Variants in SUGT1 observed in about 807,000 individuals in gnomAD.
The protein encoded by SUGT1 is SGT1 assembly cochaperone of MIS12 kinetochore complex.
SUGT1 carries 15 observed loss-of-function variants against 56.1 expected under a neutral mutation model. The ratio of observed to expected loss-of-function variants is 0.27; its 90% confidence interval spans 0.18 to 0.41. The LOEUF (loss-of-function observed/expected upper bound fraction) is 0.41, where lower values mean the gene tolerates loss of function less well. SUGT1 is among the 10% of genes least tolerant of loss of function. The pLI, the probability that SUGT1 is intolerant of heterozygous loss-of-function variation, is 1.00. For synonymous variants in SUGT1, 123 were observed against 128.6 expected, an observed-to-expected ratio of 0.96 and a Z score of 0.30; for missense variants, 347 against 382.2, an observed-to-expected ratio of 0.91 and a Z score of 0.77.
chr13:52,680,503 C>T (rs1051528901), intron 12 of SUGT1, among the ~76,000 whole-genome samples: 7 of 152,060 alleles, frequency 4.6e-5, no homozygotes, highest in East Asian at 3.9e-4. Flanking sequence ...AATATAGATA[C>T]GAAACTTTTC....
intron 10 of SUGT1, among the ~76,000 whole-genome samples, chr13:52,670,891 T>A (rs1439399920): frequency 6.6e-6 from 1 of 152,134 alleles, no homozygotes. Flanking sequence ...TATTCTTAAG[T>A]CATAGTTAAG....
At position 52,693,943 on chromosome 13, in the gene SUGT1, A is replaced by T. The variant is rs1178491632; in HGVS notation, c.*6108A>T. On this transcript the variant is annotated 3_prime_UTR_variant, in exon 13 of 13. Transcript: ENST00000310528. ...AATGCTGTATGTACATTTTTTATACATGTATACTTATGATAAAGTTTATAA... is the reference window on the plus strand; with the variant it reads ...AATGCTGTATGTACATTTTTTATACTTGTATACTTATGATAAAGTTTATAA... The T allele has an allele frequency of 6.6e-6, 1 of 152,204 alleles. No homozygotes were observed. Among genetic ancestry groups the T allele is most frequent in the East Asian group, 1.9e-4 (1 of 5,200 alleles). The allele number at this position is 152,204 out of a possible 1,614,324, so 9.4% of individuals were successfully genotyped here. A position where few individuals can be genotyped will look rare whatever the true frequency, so the allele number is the denominator to read the frequency against.
chr13:52,655,337 C>A (rs1265845148), intron 2 of SUGT1, among the ~76,000 whole-genome samples: 1 of 152,122 alleles, frequency 6.6e-6, no homozygotes, highest in African/African-American at 2.4e-5. Flanking sequence ...TGAGGCCAGG[C>A]CATCAAAGGC....
chr13:52,686,663 G>GTA (rs1963600448), intron 12 of SUGT1, among the ~76,000 whole-genome samples: 1 of 152,210 alleles, frequency 6.6e-6, no homozygotes, highest in South Asian at 2.1e-4. Flanking sequence ...ATATGTAACT[G>GTA]TATACATTGG....
At position 52,693,338 on chromosome 13, in the gene SUGT1, A is replaced by G. The variant is rs1389017161; in HGVS notation, c.*5503A>G. On this transcript the variant is annotated 3_prime_UTR_variant, in exon 13 of 13. Coordinates refer to ENST00000310528, the MANE Select transcript of SUGT1 (RefSeq NM_006704.5). ...TTCAGTTTCTTTAGAAGGAGTTAGG[A>G]AAATGGTCCTTAATACCTATATAGG... 6.6e-6 allele frequency: 1 copy of G among 152,238 alleles called. No individual in the cohort carries two copies. Among genetic ancestry groups the G allele is most frequent in the African/African-American group, 2.4e-5 (1 of 41,460 alleles). 9.4% of individuals were successfully genotyped at this position (152,238 alleles called of 1,614,324 possible). A position where few individuals can be genotyped will look rare whatever the true frequency, so the allele number is the denominator to read the frequency against.
Position 52,693,926 on chromosome 13 carries a change from A to T in SUGT1, c.*6091A>T, listed in dbSNP as rs1231072349. 3.9e-5 allele frequency: 6 copies of T among 152,194 alleles called. No homozygotes were observed. The highest frequency in any genetic ancestry group is 3.3e-4 in the Admixed American group (5 of 15,276). 9.4% of individuals were successfully genotyped at this position (152,194 alleles called of 1,614,324 possible). On this transcript the variant is annotated 3_prime_UTR_variant, in exon 13 of 13. Transcript: ENST00000310528. ...CAAGACCCCCAGTACTGAATGCTGT[A>T]TGTACATTTTTTATACATGTATACT...
At chr13:52,667,984 T>C (rs1962784683) in intron 10 of SUGT1, among the ~76,000 whole-genome samples, 1 of 151,906 alleles carries the variant, frequency 6.6e-6, no homozygotes, top group Non-Finnish European at 1.5e-5. Flanking sequence ...TTTTTTTTTT[T>C]TCCTTGTTTT....
intron 12 of SUGT1, 22 bp from the exon 13 acceptor site, chr13:52,687,712 C>T (rs748990525): frequency 1.9e-6 from 3 of 1,541,792 alleles, no homozygotes; most frequent in Non-Finnish European, 2.6e-6. Context: ...AGGAATTAAT[C>T]TATTTTTATT....
intron 8 of SUGT1, among the ~76,000 whole-genome samples, chr13:52,664,610 A>G (rs1962607342): frequency 6.6e-6 from 1 of 152,216 alleles, no homozygotes; most frequent in Non-Finnish European, 1.5e-5. Context: ...ACTGAATTGC[A>G]AAGGGAAACC....
Position 52,692,674 on chromosome 13 carries a change from G to C in SUGT1, c.*4839G>C, listed in dbSNP as rs1368442639. On this transcript the variant is annotated 3_prime_UTR_variant, in exon 13 of 13. Transcript: ENST00000310528. ...TCCGCCCACCTTGGCCTCCCAAAATGCTGGGATTATAGGCGTGAGCCACTG... is the reference window on the plus strand; with the variant it reads ...TCCGCCCACCTTGGCCTCCCAAAATCCTGGGATTATAGGCGTGAGCCACTG... 1.3e-5 allele frequency: 2 copies of C among 152,302 alleles called. No homozygotes were observed. Among genetic ancestry groups the C allele is most frequent in the Non-Finnish European group, 2.9e-5 (2 of 68,098 alleles). The allele number at this position is 152,302 out of a possible 1,614,324, so 9.4% of individuals were successfully genotyped here.
At position 52,698,364 on chromosome 13, in the gene SUGT1, T is replaced by C. The variant is rs1360307325; in HGVS notation, c.*10529T>C. 1.3e-5 allele frequency: 2 copies of C among 152,122 alleles called. No homozygotes were observed. Among genetic ancestry groups the C allele is most frequent in the Admixed American group, 1.3e-4 (2 of 15,270 alleles). The allele number at this position is 152,122 out of a possible 1,614,324, so 9.4% of individuals were successfully genotyped here. The stretch of plus-strand genomic sequence containing the variant: ...TTTTCCAGAGTGCTGTCATCTCATA[T>C]ACTTTTTTCTTCATACAGGTTTTTA... On this transcript the variant is annotated 3_prime_UTR_variant, in exon 13 of 13. Coordinates refer to ENST00000310528, the MANE Select transcript of SUGT1 (RefSeq NM_006704.5).
intron 3 of SUGT1, chr13:52,658,088 C>T: frequency 8.0e-7 from 1 of 1,257,770 alleles, no homozygotes; most frequent in Non-Finnish European, 1.0e-6. Context: ...TATTTTGTAC[C>T]TTCTGAATAG....
At position 52,665,230 on chromosome 13, in the gene SUGT1, A is replaced by G. The variant is rs145698025; in HGVS notation, c.423-407A>G. Among the ~76,000 whole-genome samples the G allele has an allele frequency of 4.6e-4, 70 of 152,304 alleles. 3 individuals carry two copies. In the East Asian group the frequency reaches 0.014, roughly 29 times the overall value. On this transcript the variant is annotated intron_variant, in intron 8 of 12. Transcript: ENST00000310528. ...CACCTTTCTGAGCTTAAGTTTTATC[A>G]TCTGTAAAATAGGGATTTAAGTGTT...
chr13:52,662,586 A>C (rs1962509325), intron 5 of SUGT1, 63 bp from the exon 6 acceptor site: 1 of 1,545,258 alleles, frequency 6.5e-7, no homozygotes, highest in African/African-American at 1.4e-5. Flanking sequence ...GGTATTCAGT[A>C]AGTATTTGTT....
In SUGT1 at chr13:52,700,088, A is replaced by G. The variant is rs1964039786; in HGVS notation, c.*12253A>G. ...CTGTAAATGACTAAATTCAGAGGGA[A>G]TTTAGTGGGGCATATCTCTTAAATG... On this transcript the variant is annotated 3_prime_UTR_variant, in exon 13 of 13. Transcript: ENST00000310528. 2 of 152,292 alleles carry G rather than the reference A, an allele frequency of 1.3e-5. No homozygotes were observed. Among genetic ancestry groups the G allele is most frequent in the South Asian group, 2.1e-4 (1 of 4,824 alleles). 9.4% of individuals were successfully genotyped at this position (152,292 alleles called of 1,614,324 possible). A position where few individuals can be genotyped will look rare whatever the true frequency, so the allele number is the denominator to read the frequency against.
chr13:52,664,165 T>C, intron 8 of SUGT1, 108 bp downstream of exon 8: 1 of 1,221,170 alleles, frequency 8.2e-7, no homozygotes, highest in East Asian at 2.5e-5. Flanking sequence ...TTTAAGTTTT[T>C]GTTTGTTTTC....
intron 2 of SUGT1, 142 bp from the exon 3 acceptor site, chr13:52,657,390 A>C (rs998001848): frequency 2.6e-6 from 2 of 758,816 alleles, no homozygotes; most frequent in Non-Finnish European, 4.3e-6. Context: ...TTTTATAAGG[A>C]AAAACTCCAA....
chr13:52,658,489 T>C, intron 4 of SUGT1, 21 bp downstream of exon 4: 1 of 1,601,404 alleles, frequency 6.2e-7, no homozygotes. Context: ...GCTACTCTTC[T>C]TGTTGAGCTT....
In SUGT1 at chr13:52,693,473, C is replaced by G. The variant is rs778169222; in HGVS notation, c.*5638C>G. On this transcript the variant is annotated 3_prime_UTR_variant, in exon 13 of 13. Transcript: ENST00000310528. ...AGCTTTTGTTAAGTACATGAAAAGA[C>G]AGTATTGCATAGTGGTTAAATGCAT... 6.6e-6 allele frequency: 1 copy of G among 152,192 alleles called. No individual in the cohort carries two copies. The highest frequency in any genetic ancestry group is 1.5e-5 in the Non-Finnish European group (1 of 68,038). 9.4% of individuals were successfully genotyped at this position (152,192 alleles called of 1,614,324 possible). A position where few individuals can be genotyped will look rare whatever the true frequency, so the allele number is the denominator to read the frequency against.
Sources: gnomAD v4.1 joint callset for allele counts (sites outside exome capture counted in the v4.1 genomes callset) on GRCh38, gnomAD v4.1.1 for gene constraint, MANE v1.5 for transcripts, NCBI Gene and HGNC (gene_info 2026-07-23, HGNC 2026-07-21) for gene names.